CIAO2A: variants seen among roughly 807,000 people sequenced by gnomAD.
CIAO2A encodes the protein MIP18 family protein FAM96A.
In CIAO2A, 17 loss-of-function variants were observed where a neutral mutation model predicts 22.4. The observed-to-expected ratio is 0.76, with a 90% CI of 0.52 to 1.14. CIAO2A has a LOEUF of 1.14. CIAO2A is among the 50% of genes most tolerant of loss of function. The pLI is 0.00. For missense variants in CIAO2A, 192 were observed against 191.4 expected, an observed-to-expected ratio of 1.00 and a Z score of -0.02; for synonymous variants, 74 against 72.3, an observed-to-expected ratio of 1.02 and a Z score of -0.12.
rs1345122791 is a variant in CIAO2A at position 64,088,948 on chromosome 15, C to T, written c.125-97G>A. 5 of 1,198,860 alleles carry T rather than the reference C, an allele frequency of 4.2e-6. No individual in the cohort carries two copies. In the African/African-American group the frequency reaches 4.7e-5, roughly 11 times the overall value. 74.3% of individuals were successfully genotyped at this position (1,198,860 alleles called of 1,614,324 possible). A position where few individuals can be genotyped will look rare whatever the true frequency, so the allele number is the denominator to read the frequency against. ...CTAATTTAAGCACTGACTTCTCTTA[C>T]GTTTAAGCAAATAGTACAGCAACTC... On this transcript the variant is annotated intron_variant, in intron 1 of 4. Transcript: ENST00000300030.
At chr15:64,085,466 C>T (rs1406260802) in intron 2 of CIAO2A, among the ~76,000 whole-genome samples, 2 of 152,188 alleles carry the variant, frequency 1.3e-5, no homozygotes, top group East Asian at 3.9e-4. Flanking sequence ...CGTGTCATTG[C>T]ATTCCAGCCT....
chr15:64,092,951 G>A (rs1297185549), intron 1 of CIAO2A, among the ~76,000 whole-genome samples: 1 of 152,336 alleles, frequency 6.6e-6, no homozygotes, highest in East Asian at 1.9e-4. Context: ...TTTTGGCTCT[G>A]TTCCTTACTG....
intron 4 of CIAO2A, among the ~76,000 whole-genome samples, chr15:64,074,094 C>T (rs12906522): frequency 0.57 from 86,255 of 151,962 alleles, 28,094 homozygotes; most frequent in East Asian, 0.81. Flanking sequence ...TCTACTAGAT[C>T]TTTTTTTAAA....
intron 4 of CIAO2A, chr15:64,073,809 G>C (rs1383512574): frequency 6.6e-6 from 1 of 152,142 alleles, no homozygotes; most frequent in African/African-American, 2.4e-5. Flanking sequence ...GGCTAGTCTT[G>C]AAATCCTGGC....
chr15:64,075,422 GAAGAATCCA>G, intron 4 of CIAO2A, 61 bp downstream of exon 4: 1 of 969,058 alleles, frequency 1.0e-6, no homozygotes, highest in Non-Finnish European at 1.5e-6. Flanking sequence ...TTGGCTGGCA[GAAGAATCCA>G]GTATCCAAGA....
At chr15:64,093,055 A>G (rs2080854948) in intron 1 of CIAO2A, among the ~76,000 whole-genome samples, 1 of 152,232 alleles carries the variant, frequency 6.6e-6, no homozygotes, top group African/African-American at 2.4e-5. Flanking sequence ...TTTAATATGC[A>G]ACATGGAAGA....
intron 1 of CIAO2A, among the ~76,000 whole-genome samples, chr15:64,092,781 T>C (rs1389087391): frequency 2.0e-5 from 3 of 152,222 alleles, no homozygotes; most frequent in African/African-American, 4.8e-5. Flanking sequence ...TGAATTATAT[T>C]TGTATTCTAT....
intron 2 of CIAO2A, 67 bp downstream of exon 2, chr15:64,088,620 T>C: frequency 3.2e-6 from 4 of 1,264,236 alleles, no homozygotes; most frequent in Non-Finnish European, 4.3e-6. Flanking sequence ...ATTGTTATTA[T>C]GGGTCAATAT....
chr15:64,087,065 C>A (rs1225003193), intron 2 of CIAO2A, among the ~76,000 whole-genome samples: 1 of 150,510 alleles, frequency 6.6e-6, no homozygotes, highest in Non-Finnish European at 1.5e-5. Flanking sequence ...GTGTGTGCCA[C>A]CATGCCTTGC....
At chr15:64,084,538 G>A (rs1399500200) in intron 2 of CIAO2A, among the ~76,000 whole-genome samples, 2 of 152,054 alleles carry the variant, frequency 1.3e-5, no homozygotes, top group African/African-American at 4.8e-5. Context: ...GGGAGGCCAA[G>A]GCAGGCGGAT....
intron 2 of CIAO2A, among the ~76,000 whole-genome samples, chr15:64,083,466 T>C (rs2080771222): frequency 6.6e-6 from 1 of 152,174 alleles, no homozygotes; most frequent in South Asian, 2.1e-4. Flanking sequence ...GAGTCTTCCT[T>C]GTCAATCACT....
chr15:64,081,639 C>T (rs1200147871), intron 2 of CIAO2A, among the ~76,000 whole-genome samples: 1 of 149,618 alleles, frequency 6.7e-6, no homozygotes, highest in Non-Finnish European at 1.5e-5. Context: ...TCGGTTCAAG[C>T]AATTCTCCTG....
intron 2 of CIAO2A, among the ~76,000 whole-genome samples, chr15:64,083,580 G>A (rs550076284): frequency 6.6e-6 from 1 of 152,130 alleles, no homozygotes; most frequent in Non-Finnish European, 1.5e-5. Flanking sequence ...ACAGACGAAG[G>A]CTTCTCTCAA....
chr15:64,087,427 C>T (rs2080806741), intron 2 of CIAO2A, among the ~76,000 whole-genome samples: 1 of 151,990 alleles, frequency 6.6e-6, no homozygotes, highest in African/African-American at 2.4e-5. Flanking sequence ...TGGGGTTTCA[C>T]CATGTTGGTC....
chr15:64,092,063 C>CAAAAAAAAAA (rs35475525), intron 1 of CIAO2A, among the ~76,000 whole-genome samples: 1 of 63,718 alleles, frequency 1.6e-5, no homozygotes, highest in Non-Finnish European at 3.1e-5. Flanking sequence ...GACCCTGTCT[C>CAAAAAAAAAA]AAAAAAAAAA....
intron 3 of CIAO2A, among the ~76,000 whole-genome samples, chr15:64,077,327 C>CAG (rs1428865979): frequency 2.6e-4 from 29 of 110,368 alleles, no homozygotes; most frequent in Admixed American, 7.3e-4. Flanking sequence ...AAACAAAACA[C>CAG]CTTTCTCCTA....
intron 3 of CIAO2A, among the ~76,000 whole-genome samples, chr15:64,078,506 T>C (rs2080735585): frequency 6.6e-6 from 1 of 152,016 alleles, no homozygotes; most frequent in Non-Finnish European, 1.5e-5. Context: ...TGTGGTGGTA[T>C]GCGCCTGTAA....
chr15:64,087,007 G>A (rs1346310824), intron 2 of CIAO2A, among the ~76,000 whole-genome samples: 8 of 148,372 alleles, frequency 5.4e-5, no homozygotes, highest in African/African-American at 2.0e-4. Flanking sequence ...TGCCTCCCAG[G>A]TTCAAGTAAT....
chr15:64,088,023 T>G (rs1229521952), intron 2 of CIAO2A, among the ~76,000 whole-genome samples: 2 of 152,232 alleles, frequency 1.3e-5, no homozygotes, highest in East Asian at 3.8e-4. Context: ...TTTTTATAGC[T>G]GCATAGTATT....
Sources: gnomAD v4.1 joint callset for allele counts (sites outside exome capture counted in the v4.1 genomes callset) on GRCh38, gnomAD v4.1.1 for gene constraint, MANE v1.5 for transcripts, NCBI Gene and HGNC (gene_info 2026-07-23, HGNC 2026-07-21) for gene names.